Variants in XXYLT1 observed in about 807,000 individuals in gnomAD.
The protein encoded by XXYLT1 is UDP-xylose:alpha-xyloside alpha-1,3-xylosyltransferase.
XXYLT1 carries 20 observed loss-of-function variants against 28.9 expected under a neutral mutation model. The ratio of observed to expected loss-of-function variants is 0.69; its 90% CI spans 0.49 to 1.00. The LOEUF (loss-of-function observed/expected upper bound fraction) is 1.00, where lower values mean the gene tolerates loss of function less well. Ranked by LOEUF, XXYLT1 falls within the 50% of genes least tolerant of loss-of-function variation. The pLI is 0.00. For synonymous variants in XXYLT1, 257 were observed against 253.8 expected (o/e 1.01, Z -0.12); for missense variants, 542 against 560.1 (o/e 0.97, Z 0.33).
chr3:195,121,599 T>TC (rs1718364398), intron 3 of XXYLT1, among the ~76,000 whole-genome samples: 1 of 152,162 alleles, frequency 6.6e-6, no homozygotes, highest in South Asian at 2.1e-4. Flanking sequence ...CACTGAGCAT[T>TC]CCCTCATCCC....
chr3:195,134,391 T>C (rs1719058694), intron 3 of XXYLT1: 1 of 152,304 alleles, frequency 6.6e-6, no homozygotes, highest in Non-Finnish European at 1.5e-5. Context: ...GCACCATTTT[T>C]CATGTTTTAC....
chr3:195,244,890 G>A (rs1270186182), intron 1 of XXYLT1, among the ~76,000 whole-genome samples: 1 of 149,690 alleles, frequency 6.7e-6, no homozygotes, highest in Non-Finnish European at 1.5e-5. Context: ...TCCCGGCCGG[G>A]TGCGGTGGCT....
chr3:195,128,457 AAC>A (rs1205511156), intron 3 of XXYLT1, among the ~76,000 whole-genome samples: 2 of 152,158 alleles, frequency 1.3e-5, no homozygotes, highest in Non-Finnish European at 2.9e-5. Flanking sequence ...ATGAAAATGA[AAC>A]CAGACCTCCC....
At chr3:195,139,093 G>A (rs1034469723) in intron 3 of XXYLT1, among the ~76,000 whole-genome samples, 3 of 152,122 alleles carry the variant, frequency 2.0e-5, no homozygotes, top group Non-Finnish European at 4.4e-5. Flanking sequence ...CCCAGTGTCA[G>A]GCTAAGGAGT....
chr3:195,078,476 C>A lies in XXYLT1; in HGVS notation c.786-8365G>T, dbSNP rs944879153. ...GCCCACTGTGCCTCCTCCAGCCTCT[C>A]GTGCCCTGGCCCTCTGGGCACGAGA... On this transcript the variant is annotated intron_variant, in intron 3 of 3. Transcript: ENST00000310380. This position sits in a 1 kb window ranked among gnomAD's most constrained non-coding sequence, Gnocchi z 5.0. 6.6e-6 allele frequency among the ~76,000 whole-genome samples: 1 copy of A among 152,078 alleles called. No homozygotes were observed. Among genetic ancestry groups the A allele is most frequent in the African/African-American group, 2.4e-5 (1 of 41,398 alleles).
At chr3:195,108,557 T>C (rs1474266118) in intron 3 of XXYLT1, among the ~76,000 whole-genome samples, 1 of 152,232 alleles carries the variant, frequency 6.6e-6, no homozygotes, top group Admixed American at 6.5e-5. Flanking sequence ...TGTTAGGTGA[T>C]TTCGTCTTTG....
At chr3:195,164,394 G>A (rs1247500175) in intron 2 of XXYLT1, among the ~76,000 whole-genome samples, 1 of 152,206 alleles carries the variant, frequency 6.6e-6, no homozygotes, top group African/African-American at 2.4e-5. Context: ...GCTGTCCCCA[G>A]TTGGTCTATC....
In XXYLT1 at chr3:195,256,210, T is replaced by C. The variant is rs970136070; in HGVS notation, c.504+14345A>G. 1.2e-4 allele frequency among the ~76,000 whole-genome samples: 18 copies of C among 152,342 alleles called. No homozygotes were observed. The highest frequency in any genetic ancestry group is 4.3e-4 in the African/African-American group (18 of 41,584). ...AATCATGGCTCCGAGCAAGCTCATC[T>C]GTGCAGCCTCTTCCTAGGGGAGACT... is the stretch of plus-strand genomic sequence containing the variant. On this transcript the variant is annotated intron_variant, in intron 1 of 3. Coordinates refer to ENST00000310380, the MANE Select transcript of XXYLT1 (RefSeq NM_152531.5). This position sits in a 1 kb window ranked among gnomAD's most constrained non-coding sequence, Gnocchi z 4.2.
intron 1 of XXYLT1, among the ~76,000 whole-genome samples, chr3:195,237,664 GCC>G (rs1435774335): frequency 6.6e-6 from 1 of 151,902 alleles, no homozygotes; most frequent in African/African-American, 2.4e-5. Flanking sequence ...AACCTTTTAT[GCC>G]ACATTGGTCC....
chr3:195,110,832 G>A (rs1157331731), intron 3 of XXYLT1, among the ~76,000 whole-genome samples: 1 of 114,504 alleles, frequency 8.7e-6, no homozygotes, highest in Non-Finnish European at 1.8e-5. Context: ...ATAAGTGTGT[G>A]TGTGGTGTGT....
chr3:195,133,612 AC>A lies in XXYLT1; in HGVS notation c.785+22836del, dbSNP rs1415798071. On this transcript the variant is annotated intron_variant, in intron 3 of 3. Transcript: ENST00000310380. This position sits in a 1 kb window ranked among gnomAD's most constrained non-coding sequence, Gnocchi z 4.4. ...TGCTACGCCTAACAAGCAGAGGCGG[AC>A]GAGCTGCTGTGCCAAACGCTCCCAG... Among the ~76,000 whole-genome samples, 1 of 152,206 alleles carries A rather than the reference AC, an allele frequency of 6.6e-6. No homozygotes were observed. The highest frequency in any genetic ancestry group is 1.5e-5 in the Non-Finnish European group (1 of 68,028).
At chr3:195,116,925 G>C (rs957190337) in intron 3 of XXYLT1, among the ~76,000 whole-genome samples, 10 of 152,132 alleles carry the variant, frequency 6.6e-5, no homozygotes, top group Non-Finnish European at 1.5e-4. Flanking sequence ...CCAGGGGTCA[G>C]AGAAATGAAA....
At chr3:195,153,379 G>A (rs1311897325) in intron 3 of XXYLT1, among the ~76,000 whole-genome samples, 2 of 152,150 alleles carry the variant, frequency 1.3e-5, no homozygotes, top group African/African-American at 2.4e-5. Context: ...AGCGGGGCAC[G>A]CGGCAGGCAG....
In XXYLT1 at chr3:195,069,667, G is replaced by C. The variant is rs1429779967; in HGVS notation, c.*48C>G. The stretch of plus-strand genomic sequence containing the variant: ...CCTTGGGTCTGTCCCAAGGAACCCT[G>C]TCCTTCCCCCAGATCTGGAGGCCCC... On this transcript the variant is annotated 3_prime_UTR_variant, in exon 4 of 4. Transcript: ENST00000310380. 1 of 1,566,582 alleles carries C rather than the reference G, an allele frequency of 6.4e-7. No homozygotes were observed. Among genetic ancestry groups the C allele is most frequent in the Non-Finnish European group, 8.6e-7 (1 of 1,160,756 alleles).
chr3:195,264,988 T>C (rs1439310507), intron 1 of XXYLT1, among the ~76,000 whole-genome samples: 1 of 152,014 alleles, frequency 6.6e-6, no homozygotes, highest in Non-Finnish European at 1.5e-5. Flanking sequence ...GCCCAGGAGT[T>C]TGAAGCTACA....
intron 2 of XXYLT1, among the ~76,000 whole-genome samples, chr3:195,172,372 G>C (rs989123379): frequency 6.6e-6 from 1 of 152,220 alleles, no homozygotes; most frequent in Admixed American, 6.5e-5. Flanking sequence ...ACTGCTGAAC[G>C]TGAGCACGGT....
chr3:195,238,011 G>C (rs912554414), intron 1 of XXYLT1, among the ~76,000 whole-genome samples: 3 of 152,036 alleles, frequency 2.0e-5, no homozygotes. Flanking sequence ...CTCCAGAATT[G>C]TTTTCCAAAT....
At chr3:195,154,033 T>TG (rs1720427438) in intron 3 of XXYLT1, 1 of 152,324 alleles carries the variant, frequency 6.6e-6, no homozygotes, top group South Asian at 2.1e-4. Context: ...GTGGCAGAGC[T>TG]GGGACTAGTA....
chr3:195,135,777 A>C (rs1021475159), intron 3 of XXYLT1, among the ~76,000 whole-genome samples: 1 of 152,146 alleles, frequency 6.6e-6, no homozygotes, highest in African/African-American at 2.4e-5. Context: ...CTTTGCTGTC[A>C]CCTTAGATGG....
Sources: allele counts gnomAD v4.1 joint callset (sites outside exome capture counted in the v4.1 genomes callset), GRCh38; gene constraint gnomAD v4.1.1; non-coding constraint Gnocchi (gnomAD v3.1); transcripts MANE v1.5; gene names NCBI Gene and HGNC (gene_info 2026-07-23, HGNC 2026-07-21).